Variants in RALGAPA2 observed in about 807,000 individuals in gnomAD.
The protein encoded by RALGAPA2 is ral GTPase-activating protein subunit alpha-2.
Under a neutral mutation model 230.4 loss-of-function variants are expected in RALGAPA2, and 139 were observed. The observed-to-expected ratio is 0.60, with a 90% CI of 0.53 to 0.69. The LOEUF (loss-of-function observed/expected upper bound fraction) is 0.69, where lower values mean the gene tolerates loss of function less well. Among genes scored for constraint, RALGAPA2 ranks in the 30% least tolerant of loss-of-function variants. The pLI, the probability that RALGAPA2 is intolerant of heterozygous loss-of-function variation, is 0.00. For synonymous variants in RALGAPA2, 847 were observed against 837.8 expected, an observed-to-expected ratio of 1.01 and a Z score of -0.19; for missense variants, 2,163 against 2,276.0, an observed-to-expected ratio of 0.95 and a Z score of 1.01.
intron 37 of RALGAPA2, among the ~76,000 whole-genome samples, chr20:20,416,289 G>C (rs997263633): frequency 6.6e-6 from 1 of 152,170 alleles, no homozygotes; most frequent in African/African-American, 2.4e-5. Context: ...AGCTGGAGGA[G>C]AGTTCTGTGT....
At chr20:20,583,487 G>A (rs1029266682) in intron 19 of RALGAPA2, among the ~76,000 whole-genome samples, 13 of 152,258 alleles carry the variant, frequency 8.5e-5, no homozygotes, top group Non-Finnish European at 1.9e-4. Flanking sequence ...ACTCTTCAAC[G>A]TGTCTTCACT....
At chr20:20,639,356 G>A (rs1211608495) in intron 7 of RALGAPA2, among the ~76,000 whole-genome samples, 1 of 152,238 alleles carries the variant, frequency 6.6e-6, no homozygotes, top group African/African-American at 2.4e-5. Flanking sequence ...CTTCAGTTCT[G>A]TAGGCAATTG....
chr20:20,672,844 A>C (rs2068181855), intron 3 of RALGAPA2, among the ~76,000 whole-genome samples: 1 of 152,248 alleles, frequency 6.6e-6, no homozygotes, highest in Non-Finnish European at 1.5e-5. Context: ...GAAATCTTCA[A>C]CTAGATATTT....
chr20:20,411,814 TTAACAGGA>T (rs1326705028), intron 38 of RALGAPA2, among the ~76,000 whole-genome samples: 2 of 152,092 alleles, frequency 1.3e-5, no homozygotes, highest in African/African-American at 4.8e-5. Context: ...GATTTGAAGG[TTAACAGGA>T]TAGCTGAAGA....
At chr20:20,493,000 T>C (rs1234935696) in intron 36 of RALGAPA2, among the ~76,000 whole-genome samples, 2 of 152,140 alleles carry the variant, frequency 1.3e-5, no homozygotes, top group African/African-American at 4.8e-5. Context: ...GCTAAATCGG[T>C]TAATGTTAAC....
intron 23 of RALGAPA2, among the ~76,000 whole-genome samples, chr20:20,554,694 G>A (rs1342282807): frequency 1.3e-5 from 2 of 152,010 alleles, no homozygotes; most frequent in Non-Finnish European, 2.9e-5. Flanking sequence ...GGTAGAGGTG[G>A]GGTTTCACCA....
intron 19 of RALGAPA2, among the ~76,000 whole-genome samples, chr20:20,583,616 G>A (rs946997480): frequency 1.3e-5 from 2 of 152,244 alleles, no homozygotes; most frequent in East Asian, 1.9e-4. Context: ...TTACTCTACC[G>A]GGTAGAAGAG....
At chr20:20,521,182 G>C in intron 30 of RALGAPA2, 82 bp from the exon 31 acceptor site, 1 of 1,218,468 alleles carries the variant, frequency 8.2e-7, no homozygotes, top group Non-Finnish European at 1.1e-6. Context: ...TGCAGCACTT[G>C]GCAGCTAGGA....
At position 20,611,516 on chromosome 20, in the gene RALGAPA2, G is replaced by A. The variant is rs550462220; in HGVS notation, c.1689-90C>T. ...TACCAGAAATTCTCTTAAGAATTCA[G>A]CAACATTGATAATTATGTATTACTC... is the stretch of plus-strand genomic sequence containing the variant. On this transcript the variant is annotated intron_variant, in intron 13 of 39. Coordinates refer to ENST00000202677, the MANE Select transcript of RALGAPA2 (RefSeq NM_020343.4). The A allele has an allele frequency of 1.0e-5, 15 of 1,496,636 alleles. No homozygotes were observed. The African/African-American group carries it at 2.1e-4, about 21-fold the overall frequency. 92.7% of individuals were successfully genotyped at this position (1,496,636 alleles called of 1,614,324 possible).
intron 11 of RALGAPA2, 64 bp from the exon 12 acceptor site, chr20:20,619,478 T>C (rs916775247): frequency 5.4e-6 from 6 of 1,111,616 alleles, no homozygotes; most frequent in Non-Finnish European, 5.8e-6. Context: ...CATTTAACTA[T>C]AAATATAATT....
intron 24 of RALGAPA2, among the ~76,000 whole-genome samples, chr20:20,545,597 T>C (rs1389831817): frequency 2.6e-5 from 4 of 152,170 alleles, no homozygotes; most frequent in Non-Finnish European, 5.9e-5. Flanking sequence ...AAGATTTAGG[T>C]TGTTGGATGG....
At chr20:20,539,608 T>C (rs1169336011) in intron 24 of RALGAPA2, among the ~76,000 whole-genome samples, 2 of 152,212 alleles carry the variant, frequency 1.3e-5, no homozygotes, top group East Asian at 1.9e-4. Context: ...ATATAGTTCC[T>C]TTATGCGTGA....
intron 1 of RALGAPA2, among the ~76,000 whole-genome samples, chr20:20,682,698 C>G (rs1014189220): frequency 6.6e-6 from 1 of 152,230 alleles, no homozygotes; most frequent in African/African-American, 2.4e-5. Flanking sequence ...AACCCACAGT[C>G]TATCTCGTGA....
intron 37 of RALGAPA2, among the ~76,000 whole-genome samples, chr20:20,462,316 T>C (rs1284121070): frequency 6.6e-6 from 1 of 152,218 alleles, no homozygotes; most frequent in Admixed American, 6.5e-5. Context: ...AAAGCAGCTG[T>C]GCACTTCTCA....
At chr20:20,702,398 C>T (rs541888351) in intron 1 of RALGAPA2, among the ~76,000 whole-genome samples, 39 of 152,134 alleles carry the variant, frequency 2.6e-4, no homozygotes, top group Admixed American at 1.2e-3. Context: ...ATTTAGACCA[C>T]GATGCAGGTC....
At chr20:20,611,854 C>G (rs1451622516) in intron 13 of RALGAPA2, among the ~76,000 whole-genome samples, 1 of 152,150 alleles carries the variant, frequency 6.6e-6, no homozygotes, top group Non-Finnish European at 1.5e-5. Context: ...GTGAAGCTGA[C>G]TTTCTGGCCT....
At chr20:20,544,441 T>A (rs1328197080) in intron 24 of RALGAPA2, among the ~76,000 whole-genome samples, 1 of 152,024 alleles carries the variant, frequency 6.6e-6, no homozygotes, top group Non-Finnish European at 1.5e-5. Context: ...GTTCAACCGT[T>A]GTGGAAGACA....
intron 35 of RALGAPA2, among the ~76,000 whole-genome samples, chr20:20,500,496 A>T (rs1358611904): frequency 6.6e-6 from 1 of 152,218 alleles, no homozygotes; most frequent in Non-Finnish European, 1.5e-5. Flanking sequence ...CATCCAGTCA[A>T]ATTTTATCAT....
intron 34 of RALGAPA2, 60 bp from the exon 35 acceptor site, chr20:20,503,566 G>A: frequency 3.1e-6 from 4 of 1,289,150 alleles, no homozygotes; most frequent in Non-Finnish European, 4.1e-6. Flanking sequence ...CTTTCACTAA[G>A]CAGGACTGTG....
Sources: gnomAD v4.1 joint callset for allele counts (sites outside exome capture counted in the v4.1 genomes callset) on GRCh38, gnomAD v4.1.1 for gene constraint, MANE v1.5 for transcripts, NCBI Gene and HGNC (gene_info 2026-07-23, HGNC 2026-07-21) for gene names.